COL22A1: variants seen among roughly 807,000 people sequenced by gnomAD.
COL22A1 encodes collagen type XXII alpha 1 chain, also known as collagen alpha-1(XXII) chain.
Under a neutral mutation model 248.9 loss-of-function variants are expected in COL22A1, and 221 were observed. The ratio of observed to expected loss-of-function variants is 0.89; its 90% confidence interval spans 0.80 to 0.99. The LOEUF (loss-of-function observed/expected upper bound fraction) is 0.99. Ranked by LOEUF, COL22A1 falls within the 50% of genes least tolerant of loss-of-function variation. The pLI is 0.00. For missense variants in COL22A1, 2,240 were observed against 2,179.0 expected (o/e 1.03, Z -0.56); for synonymous variants, 891 against 793.4 (o/e 1.12, Z -2.07).
chr8:138,900,884 G>A (rs1814499677), intron 1 of COL22A1, among the ~76,000 whole-genome samples: 1 of 152,188 alleles, frequency 6.6e-6, no homozygotes. Flanking sequence ...TGGTTTTAGA[G>A]AGTAATAGTT....
chr8:138,628,555 T>A (rs1049268256), intron 50 of COL22A1, among the ~76,000 whole-genome samples: 2 of 152,046 alleles, frequency 1.3e-5, no homozygotes, highest in Non-Finnish European at 2.9e-5. Flanking sequence ...GAAAAAAAAA[T>A]TACTTCTATT....
At chr8:138,882,655 C>A (rs1245630636) in intron 2 of COL22A1, among the ~76,000 whole-genome samples, 1 of 150,218 alleles carries the variant, frequency 6.7e-6, no homozygotes, top group Non-Finnish European at 1.5e-5. Flanking sequence ...CACTCCCTCA[C>A]ACACTCCCTC....
In COL22A1 at chr8:138,615,994, C is replaced by T. The variant is rs368405736; in HGVS notation, c.3924+7G>A. Reference sequence around the variant, plus strand: ...AGCCCAGCCAGGTCCCACAGGACCCCACTTACATCTTTTCCTGGTAACCCT... The same window carrying T: ...AGCCCAGCCAGGTCCCACAGGACCCTACTTACATCTTTTCCTGGTAACCCT... On this transcript the variant is annotated splice_region_variant and intron_variant, in intron 55 of 64. Coordinates refer to ENST00000303045, the MANE Select transcript of COL22A1 (RefSeq NM_152888.3). 2.2e-5 allele frequency: 36 copies of T among 1,611,676 alleles called. No homozygotes were observed. The highest frequency in any genetic ancestry group is 2.9e-5 in the Non-Finnish European group (34 of 1,178,026).
chr8:138,653,192 T>C (rs1054514964), intron 45 of COL22A1, among the ~76,000 whole-genome samples: 4 of 152,184 alleles, frequency 2.6e-5, no homozygotes, highest in African/African-American at 9.7e-5. Flanking sequence ...GGAGAGGAAA[T>C]GACCTCTAGG....
At chr8:138,776,777 C>T (rs939152830) in intron 15 of COL22A1, among the ~76,000 whole-genome samples, 8 of 152,200 alleles carry the variant, frequency 5.3e-5, no homozygotes, top group African/African-American at 1.9e-4. Flanking sequence ...TCCCCAGAGT[C>T]TAGAACAGAG....
chr8:138,818,659 T>C (rs913816420), intron 7 of COL22A1, among the ~76,000 whole-genome samples: 4 of 152,248 alleles, frequency 2.6e-5, no homozygotes, highest in Admixed American at 2.0e-4. Flanking sequence ...ATGTCCACTC[T>C]ATCTACTTTC....
chr8:138,687,014 T>A (rs1240196668), intron 37 of COL22A1, among the ~76,000 whole-genome samples: 1 of 152,254 alleles, frequency 6.6e-6, no homozygotes, highest in Non-Finnish European at 1.5e-5. Flanking sequence ...TGGAGTGCAG[T>A]GATGTGATCT....
Position 138,622,045 on chromosome 8 carries a change from G to A in COL22A1, c.3771+1687C>T, listed in dbSNP as rs563001316. Reference sequence around the variant, plus strand: ...ATAAAGAAGGTGCTTCCAGCAAGTTGTGTAAGATTCAGAATGAGTCATAAT... The same window carrying A: ...ATAAAGAAGGTGCTTCCAGCAAGTTATGTAAGATTCAGAATGAGTCATAAT... On this transcript the variant is annotated intron_variant, in intron 52 of 64. Coordinates refer to ENST00000303045, the MANE Select transcript of COL22A1 (RefSeq NM_152888.3). Among the ~76,000 whole-genome samples, 9 of 152,344 alleles carry A rather than the reference G, an allele frequency of 5.9e-5. No homozygotes were observed. In the South Asian group the frequency reaches 1.9e-3, roughly 32 times the overall value.
chr8:138,705,470 C>T (rs1000630218), intron 30 of COL22A1, among the ~76,000 whole-genome samples: 3 of 152,166 alleles, frequency 2.0e-5, no homozygotes, highest in Non-Finnish European at 4.4e-5. Flanking sequence ...GAGTAGGGGC[C>T]AATATTCAAC....
rs998407634 is a variant in COL22A1 at position 138,655,833 on chromosome 8, T to C, written c.3333+64A>G. 2.9e-6 allele frequency: 4 copies of C among 1,359,610 alleles called. No individual in the cohort carries two copies. The African/African-American group carries it at 4.3e-5, about 15-fold the overall frequency. The allele number at this position is 1,359,610 out of a possible 1,614,324, so 84.2% of individuals were successfully genotyped here. On this transcript the variant is annotated intron_variant, in intron 45 of 64. Coordinates refer to ENST00000303045, the MANE Select transcript of COL22A1 (RefSeq NM_152888.3). ...GTTCAAAAAAAACCCCAACTTATTA[T>C]CAAGATCTCCAATCCCGCCATCACC... is the stretch of plus-strand genomic sequence containing the variant.
At chr8:138,839,369 A>T (rs957309828) in intron 4 of COL22A1, among the ~76,000 whole-genome samples, 1 of 152,160 alleles carries the variant, frequency 6.6e-6, no homozygotes, top group Admixed American at 6.5e-5. Context: ...TGTCGGCTCC[A>T]TCGGCGAGTT....
rs774209200 is a variant in COL22A1, at chr8:138,716,221, A to T, written c.2463+6T>A. The T allele has an allele frequency of 6.3e-7, 1 of 1,578,552 alleles. No homozygotes were observed. Among genetic ancestry groups the T allele is most frequent in the South Asian group, 1.2e-5 (1 of 86,330 alleles). On this transcript the variant is annotated splice_donor_region_variant and intron_variant, in intron 29 of 64. Transcript: ENST00000303045. Reference sequence around the variant, plus strand: ...TGTGTGGGAGGAAGGAAGCTGCCACACTTACCTGGTCTCCTTTCTCTCCTC... The same window carrying T: ...TGTGTGGGAGGAAGGAAGCTGCCACTCTTACCTGGTCTCCTTTCTCTCCTC...
chr8:138,909,375 C>CTTTTTTTTTT (rs57916926), intron 1 of COL22A1, among the ~76,000 whole-genome samples: 29 of 142,630 alleles, frequency 2.0e-4, no homozygotes, highest in Non-Finnish European at 2.8e-4. Context: ...GCTGACTTGC[C>CTTTTTTTTTT]TTTTTTTTTT....
At chr8:138,781,816 G>C (rs563145194) in intron 12 of COL22A1, among the ~76,000 whole-genome samples, 5 of 152,308 alleles carry the variant, frequency 3.3e-5, no homozygotes, top group South Asian at 2.1e-4. Flanking sequence ...GTCAGTGTCT[G>C]TGTGGCACTG....
At chr8:138,846,328 C>G (rs1418658856) in intron 3 of COL22A1, among the ~76,000 whole-genome samples, 1 of 152,146 alleles carries the variant, frequency 6.6e-6, no homozygotes, top group African/African-American at 2.4e-5. Flanking sequence ...TGATGATGAG[C>G]AAATCTCTGG....
chr8:138,636,726 T>A lies in COL22A1; in HGVS notation c.3555+16A>T. The A allele has an allele frequency of 6.2e-7, 1 of 1,603,894 alleles. No homozygotes were observed. Among genetic ancestry groups the A allele is most frequent in the Non-Finnish European group, 8.5e-7 (1 of 1,170,830 alleles). ...CTTCCTCAGGGTGAATGGTTCCTTA[T>A]AAAGTAAATTTTTACCTGATCACCT... On this transcript the variant is annotated intron_variant, in intron 48 of 64. Transcript: ENST00000303045.
chr8:138,703,137 T>C (rs1208674113), intron 31 of COL22A1, among the ~76,000 whole-genome samples, 169 bp downstream of exon 31: 1 of 152,196 alleles, frequency 6.6e-6, no homozygotes, highest in African/African-American at 2.4e-5. Context: ...GGATGGTTCT[T>C]AGAGAAGTGT....
intron 36 of COL22A1, 130 bp from the exon 37 acceptor site, chr8:138,689,100 T>C: frequency 1.4e-6 from 1 of 702,602 alleles, no homozygotes; most frequent in Non-Finnish European, 2.5e-6. Flanking sequence ...CCAATTCCCA[T>C]ACTTTATTTA....
At chr8:138,870,893 C>G (rs899458535) in intron 3 of COL22A1, among the ~76,000 whole-genome samples, 9 of 151,192 alleles carry the variant, frequency 6.0e-5, no homozygotes, top group African/African-American at 1.9e-4. Context: ...GTGCTTCTAT[C>G]TAGGGTGTGT....
Sources: allele counts gnomAD v4.1 joint callset (sites outside exome capture counted in the v4.1 genomes callset), GRCh38; gene constraint gnomAD v4.1.1; transcripts MANE v1.5; gene names NCBI Gene and HGNC (gene_info 2026-07-23, HGNC 2026-07-21).